The following PLIN5 variants were observed in gnomAD, a reference collection of about 807,000 sequenced individuals.
PLIN5 encodes the protein perilipin 5.
In PLIN5, 34 loss-of-function variants were observed where a neutral mutation model predicts 32.8. The observed-to-expected ratio is 1.04, with a 90% confidence interval of 0.79 to 1.38. The LOEUF is 1.38. PLIN5 is among the 40% of genes most tolerant of loss of function. PLIN5 has a pLI of 0.00. For synonymous variants in PLIN5, 309 were observed against 292.9 expected (o/e 1.05, Z -0.56); for missense variants, 712 against 660.5 (o/e 1.08, Z -0.85).
chr19:4,533,626 G>T, intron 2 of PLIN5: 2 of 389,338 alleles, frequency 5.1e-6, no homozygotes, highest in South Asian at 1.6e-4. Flanking sequence ...TGTGATGGGT[G>T]TTCAAGGAGC....
At position 4,530,860 on chromosome 19, in the gene PLIN5, G is replaced by A. The variant is rs182731191; in HGVS notation, c.256+767C>T. ...GATAATTTTTTGTATTTTTAGTAGAGTTGGGGTTTCACCATGTTGGCCAGG... is the reference window on the plus strand; with the variant it reads ...GATAATTTTTTGTATTTTTAGTAGAATTGGGGTTTCACCATGTTGGCCAGG... On this transcript the variant is annotated intron_variant, in intron 3 of 7. Coordinates refer to ENST00000381848, the MANE Select transcript of PLIN5 (RefSeq NM_001013706.3). Among the ~76,000 whole-genome samples the A allele has an allele frequency of 3.9e-5, 6 of 152,072 alleles. No homozygotes were observed. In the East Asian group the frequency reaches 1.2e-3, roughly 30 times the overall value.
chr19:4,526,929 GA>G (rs1001686179), intron 5 of PLIN5, among the ~76,000 whole-genome samples: 7 of 151,236 alleles, frequency 4.6e-5, no homozygotes, highest in African/African-American at 1.7e-4. Context: ...AGATATGGTG[GA>G]AAAAAATAAA....
intron 1 of PLIN5, among the ~76,000 whole-genome samples, chr19:4,534,740 C>A (rs1976926597): frequency 6.6e-6 from 1 of 152,122 alleles, no homozygotes; most frequent in Admixed American, 6.5e-5. Context: ...TGTGGGAGGT[C>A]CCTGCTACCC....
At chr19:4,524,408 T>C (rs923975130) in intron 7 of PLIN5, among the ~76,000 whole-genome samples, 3 of 152,054 alleles carry the variant, frequency 2.0e-5, no homozygotes, top group Non-Finnish European at 2.9e-5. Context: ...AAAAATTAGC[T>C]GGGCGTGGTG....
At chr19:4,531,855 G>C (rs1399727570) in intron 2 of PLIN5, 33 bp from the exon 3 acceptor site, 2 of 1,485,562 alleles carry the variant, frequency 1.3e-6, no homozygotes. Flanking sequence ...GGGGACCCTG[G>C]GGGAAGTGGG....
At position 4,525,705 on chromosome 19, in the gene PLIN5, A is replaced by G. The variant is rs374950481; in HGVS notation, c.648T>C (p.Ser216=). Residue 216 remains serine (S), a synonymous_variant, in exon 6 of 8, where the codon TCT becomes TCC. Transcript: ENST00000381848. The surrounding 1 kb of genome is among the most constrained non-coding windows in gnomAD (Gnocchi z 5.6). ...ARIRHLAYEH[S]VGKLRQSKHR... The stretch of plus-strand genomic sequence containing the variant: ...GTTTGCTCTGCCTCAGTTTCCCCAC[A>G]GAGTGCTCGTAGGCCAGGTGGCGGA... 1 of 1,613,742 alleles carries G rather than the reference A, an allele frequency of 6.2e-7. No homozygotes were observed. The highest frequency in any genetic ancestry group is 8.5e-7 in the Non-Finnish European group (1 of 1,180,032).
chr19:4,531,610 C>A lies in PLIN5; in HGVS notation c.256+17G>T. On this transcript the variant is annotated intron_variant, in intron 3 of 7. Transcript: ENST00000381848. Reference sequence around the variant, plus strand: ...TGGCAAGCCACAGCTCCCAGGGACACGGGCCAGGGCACTCACGCTGGGGCT... The same window carrying A: ...TGGCAAGCCACAGCTCCCAGGGACAAGGGCCAGGGCACTCACGCTGGGGCT... 1 of 1,486,068 alleles carries A rather than the reference C, an allele frequency of 6.7e-7. No individual in the cohort carries two copies. The highest frequency in any genetic ancestry group is 1.3e-5 in the South Asian group (1 of 76,120). 92.1% of individuals were successfully genotyped at this position (1,486,068 alleles called of 1,614,324 possible).
At chr19:4,529,491 C>CATATATACATGTATATAT in intron 4 of PLIN5, 1 of 541,078 alleles carries the variant, frequency 1.8e-6, no homozygotes, top group Non-Finnish European at 3.3e-6. Context: ...TACACATATA[C>CATATATACATGTATATAT]ACACATATAC....
chr19:4,526,837 A>G (rs140725932), intron 5 of PLIN5, among the ~76,000 whole-genome samples: 4,542 of 149,208 alleles, frequency 0.03, 279 homozygotes, highest in African/African-American at 0.11. Flanking sequence ...TAGCCTGGGC[A>G]ACAGAGCAAG....
At chr19:4,532,399 T>A (rs1478788305) in intron 2 of PLIN5, 1 of 152,324 alleles carries the variant, frequency 6.6e-6, no homozygotes, top group Non-Finnish European at 1.5e-5. Context: ...GAGATGGGGT[T>A]TCTCCACATT....
chr19:4,526,007 C>T (rs1976799284), intron 5 of PLIN5, among the ~76,000 whole-genome samples, 175 bp from the exon 6 acceptor site: 1 of 152,124 alleles, frequency 6.6e-6, no homozygotes, highest in African/African-American at 2.4e-5. Flanking sequence ...ATCTGCTCAC[C>T]CACCTCTGGG....
At chr19:4,527,950 C>T (rs1976827840) in intron 5 of PLIN5, among the ~76,000 whole-genome samples, 1 of 151,546 alleles carries the variant, frequency 6.6e-6, no homozygotes, top group South Asian at 2.1e-4. Flanking sequence ...CGCTCTGTCA[C>T]CCAGGCTCAA....
At chr19:4,529,732 C>CAAA in intron 4 of PLIN5, 52 bp downstream of exon 4, 3 of 1,386,686 alleles carry the variant, frequency 2.2e-6, no homozygotes, top group Non-Finnish European at 3.1e-6. Context: ...CCTCCCGCCT[C>CAAA]TAATCTGGCC....
chr19:4,529,257 G>A lies in PLIN5; in HGVS notation c.340-4C>T. On this transcript the variant is annotated splice_polypyrimidine_tract_variant and splice_region_variant and intron_variant, in intron 4 of 7. Coordinates refer to ENST00000381848, the MANE Select transcript of PLIN5 (RefSeq NM_001013706.3). ...CGTCCTTGGCTGAGGTCACCACCTGGAAGGAAGGGCCCCCCCACTCCAGGC... is the reference window on the plus strand; with the variant it reads ...CGTCCTTGGCTGAGGTCACCACCTGAAAGGAAGGGCCCCCCCACTCCAGGC... The A allele has an allele frequency of 6.3e-7, 1 of 1,594,872 alleles. No individual in the cohort carries two copies. The highest frequency in any genetic ancestry group is 1.3e-5 in the African/African-American group (1 of 74,458).
Position 4,525,857 on chromosome 19 carries a change from C to T in PLIN5, c.521-25G>A. 2 of 1,539,866 alleles carry T rather than the reference C, an allele frequency of 1.3e-6. No individual in the cohort carries two copies. The highest frequency in any genetic ancestry group is 2.4e-5 in the East Asian group (1 of 42,060). Reference sequence around the variant, plus strand: ...GCTGGAGGACAGGATACGGGGACAGCACGGGGACAGGATACGGGGACAGCA... The same window carrying T: ...GCTGGAGGACAGGATACGGGGACAGTACGGGGACAGGATACGGGGACAGCA... On this transcript the variant is annotated intron_variant, in intron 5 of 7. Coordinates refer to ENST00000381848, the MANE Select transcript of PLIN5 (RefSeq NM_001013706.3). This position sits in a 1 kb window ranked among gnomAD's most constrained non-coding sequence, Gnocchi z 5.6.
intron 4 of PLIN5, 174 bp downstream of exon 4, chr19:4,529,610 T>TACACAC (rs56850019): frequency 0.11 from 47,793 of 428,284 alleles, 1,748 homozygotes; most frequent in South Asian, 0.13. Flanking sequence ...CATATATGTA[T>TACACAC]ACACACACAC....
chr19:4,531,896 C>T, intron 2 of PLIN5, 74 bp from the exon 3 acceptor site: 3 of 1,398,360 alleles, frequency 2.1e-6, no homozygotes, highest in Non-Finnish European at 2.8e-6. Context: ...TACTTCCCCT[C>T]TCTGGGCCAG....
chr19:4,528,847 A>G, intron 5 of PLIN5: 1 of 417,056 alleles, frequency 2.4e-6, no homozygotes, highest in Admixed American at 4.3e-5. Context: ...CCTCAAGTCT[A>G]AAAGCCCTAT....
chr19:4,531,868 C>T (rs1426979264), intron 2 of PLIN5, 46 bp from the exon 3 acceptor site: 3 of 1,454,858 alleles, frequency 2.1e-6, no homozygotes, highest in Admixed American at 2.2e-5. Flanking sequence ...GAAGTGGGGC[C>T]CTAGCCACAC....
Sources: gnomAD v4.1 joint callset for allele counts (sites outside exome capture counted in the v4.1 genomes callset) on GRCh38, gnomAD v4.1.1 for gene constraint, Gnocchi (gnomAD v3.1) non-coding constraint, MANE v1.5 for transcripts, NCBI Gene and HGNC (gene_info 2026-07-23, HGNC 2026-07-21) for gene names.